Variants in MND1 observed in about 807,000 individuals in gnomAD.
MND1 encodes the protein meiotic nuclear divisions 1.
Under a neutral mutation model 35.1 loss-of-function variants are expected in MND1, and 28 were observed. The observed-to-expected ratio is 0.80, with a 90% confidence interval of 0.59 to 1.09. MND1 has a LOEUF of 1.09. Among genes scored for constraint, MND1 ranks in the 50% least tolerant of loss-of-function variants. The probability of loss-of-function intolerance (pLI) is 0.00; values close to 1 mark genes in which losing one functional copy is unlikely to be tolerated. For synonymous variants in MND1, 69 were observed against 70.5 expected (o/e 0.98, Z 0.11); for missense variants, 213 against 239.6 (o/e 0.89, Z 0.73).
chr4:153,379,161 G>T (rs935968323), intron 4 of MND1, among the ~76,000 whole-genome samples: 2 of 151,540 alleles, frequency 1.3e-5, no homozygotes, highest in Admixed American at 6.6e-5. Flanking sequence ...GTGGTTGCAG[G>T]CGCCTGTAGT....
chr4:153,409,034 C>T lies in MND1; in HGVS notation c.511+19C>T. On this transcript the variant is annotated intron_variant, in intron 7 of 7. Coordinates refer to ENST00000240488, the MANE Select transcript of MND1 (RefSeq NM_032117.4). ...TGGACTGGTATGTACTATAATAATG[C>T]TGATAAACTATAGCTAAATTCCCTT... 7.5e-7 allele frequency: 1 copy of T among 1,334,270 alleles called. No individual in the cohort carries two copies. The highest frequency in any genetic ancestry group is 9.7e-7 in the Non-Finnish European group (1 of 1,028,218). The allele number at this position is 1,334,270 out of a possible 1,614,324, so 82.7% of individuals were successfully genotyped here.
chr4:153,370,595 C>T (rs185582509), intron 4 of MND1, among the ~76,000 whole-genome samples: 50 of 152,208 alleles, frequency 3.3e-4, no homozygotes, highest in African/African-American at 1.2e-3. Context: ...TCCTAGCTCA[C>T]TGCAACCTCC....
chr4:153,378,060 A>G (rs80061779), intron 4 of MND1, among the ~76,000 whole-genome samples: 2,597 of 152,284 alleles, frequency 0.017, 52 homozygotes, highest in East Asian at 0.075. Flanking sequence ...CCCACGTGGA[A>G]TGCAGTCTCT....
At chr4:153,365,331 A>G (rs941562639) in intron 4 of MND1, among the ~76,000 whole-genome samples, 1 of 152,190 alleles carries the variant, frequency 6.6e-6, no homozygotes, top group East Asian at 1.9e-4. Flanking sequence ...CTCCCATGAT[A>G]GATAACTCAT....
chr4:153,379,624 G>A (rs1323358757), intron 4 of MND1, among the ~76,000 whole-genome samples: 2 of 151,886 alleles, frequency 1.3e-5, no homozygotes, highest in African/African-American at 4.8e-5. Context: ...GGCTGAGATG[G>A]GTGGATCACG....
chr4:153,397,222 G>A lies in MND1; in HGVS notation c.355G>A (p.Glu119Lys), dbSNP rs375008071. The A allele has an allele frequency of 4.3e-6, 7 of 1,610,488 alleles. No individual in the cohort carries two copies. The highest frequency in any genetic ancestry group is 5.1e-6 in the Non-Finnish European group (6 of 1,178,328). ...KAKIGRCETE[E>K]RTRLAKELSS... ...CATAAAACTATCTGGAATGCAGGAA[G>A]AGCGAACCAGGCTAGCAAAAGAGCT... Residue 119 changes from glutamate to lysine, a missense_variant, in exon 6 of 8, where the codon GAG becomes AAG. Coordinates refer to ENST00000240488, the MANE Select transcript of MND1 (RefSeq NM_032117.4).
In MND1 at chr4:153,351,593, G is replaced by T. The variant is rs115395091; in HGVS notation, c.69+1464G>T. On this transcript the variant is annotated intron_variant, in intron 2 of 7. Coordinates refer to ENST00000240488, the MANE Select transcript of MND1 (RefSeq NM_032117.4). ...TGATGTCAAAAGTTGATGAATATTA[G>T]ATTTGCTTCAACATCTCAAAGCAAA... Among the ~76,000 whole-genome samples the T allele has an allele frequency of 8.2e-3, 1,253 of 152,228 alleles. 16 individuals carry two copies. The highest frequency in any genetic ancestry group is 0.028 in the African/African-American group (1,162 of 41,520).
intron 7 of MND1, among the ~76,000 whole-genome samples, chr4:153,410,031 C>A (rs1729637473): frequency 6.6e-6 from 1 of 152,116 alleles, no homozygotes; most frequent in Non-Finnish European, 1.5e-5. Context: ...TGAAGAGAAT[C>A]CAAGCTATTC....
At chr4:153,378,267 C>T (rs1285706427) in intron 4 of MND1, among the ~76,000 whole-genome samples, 10 of 152,070 alleles carry the variant, frequency 6.6e-5, no homozygotes, top group Admixed American at 6.6e-4. Flanking sequence ...TTTTAGTAAT[C>T]TTGATTTTTT....
At chr4:153,358,332 T>G (rs1773396701) in intron 3 of MND1, 142 bp from the exon 4 acceptor site, 1 of 621,996 alleles carries the variant, frequency 1.6e-6, no homozygotes, top group Non-Finnish European at 2.6e-6. Flanking sequence ...TTCATTGTTG[T>G]GCATGTTGTT....
chr4:153,396,208 A>G (rs1729193558), intron 5 of MND1, among the ~76,000 whole-genome samples: 1 of 152,186 alleles, frequency 6.6e-6, no homozygotes, highest in Admixed American at 6.5e-5. Context: ...CAGTGGCCAC[A>G]TTGCATATAT....
chr4:153,373,851 T>G (rs1299414016), intron 4 of MND1, among the ~76,000 whole-genome samples: 1 of 152,192 alleles, frequency 6.6e-6, no homozygotes, highest in East Asian at 1.9e-4. Context: ...CTAATGCCAT[T>G]TCGCAGACCT....
chr4:153,381,667 AATATATATATATAT>A (rs199673350), intron 4 of MND1: 1 of 25,458 alleles, frequency 3.9e-5, no homozygotes, highest in Non-Finnish European at 6.6e-5. Context: ...TATATAATAT[AATATATATATATAT>A]ATATATATAT....
intron 4 of MND1, among the ~76,000 whole-genome samples, chr4:153,366,010 C>G: frequency 6.6e-6 from 1 of 152,154 alleles, no homozygotes; most frequent in East Asian, 1.9e-4. Context: ...ATCAGTGTTA[C>G]TAGGCCAAAA....
intron 4 of MND1, among the ~76,000 whole-genome samples, chr4:153,374,639 ATTT>A (rs897903247): frequency 6.8e-6 from 1 of 146,450 alleles, no homozygotes; most frequent in African/African-American, 2.5e-5. Flanking sequence ...AGACTCTTTA[ATTT>A]TTTTTTTTTC....
chr4:153,391,746 A>ACACACACACACACC (rs1301283872), intron 4 of MND1, among the ~76,000 whole-genome samples: 1 of 151,818 alleles, frequency 6.6e-6, no homozygotes, highest in Non-Finnish European at 1.5e-5. Flanking sequence ...ACACACACAC[A>ACACACACACACACC]CACATACATA....
At chr4:153,390,802 C>T (rs967612246) in intron 4 of MND1, among the ~76,000 whole-genome samples, 16 of 151,486 alleles carry the variant, frequency 1.1e-4, no homozygotes, top group African/African-American at 9.7e-5. Flanking sequence ...GAGCCAAGTT[C>T]GGGCCACTGC....
intron 4 of MND1, among the ~76,000 whole-genome samples, chr4:153,380,927 T>C (rs1275615599): frequency 6.6e-6 from 1 of 151,922 alleles, no homozygotes; most frequent in East Asian, 1.9e-4. Flanking sequence ...TAAGGCAGAC[T>C]GTCGCTCTGT....
intron 4 of MND1, among the ~76,000 whole-genome samples, chr4:153,372,321 A>ACC (rs143795006): frequency 0.022 from 3,384 of 151,868 alleles, 130 homozygotes; most frequent in African/African-American, 0.077. Context: ...CACAATAAAA[A>ACC]CGAGGTATGC....
Sources: gnomAD v4.1 joint callset for allele counts (sites outside exome capture counted in the v4.1 genomes callset) on GRCh38, gnomAD v4.1.1 for gene constraint, MANE v1.5 for transcripts, NCBI Gene and HGNC (gene_info 2026-07-23, HGNC 2026-07-21) for gene names.